IGF2BP2: variants seen among roughly 807,000 people sequenced by gnomAD.
IGF2BP2 encodes insulin-like growth factor 2 mRNA-binding protein 2.
Under a neutral mutation model 75.8 loss-of-function variants are expected in IGF2BP2, and 17 were observed. The ratio of observed to expected loss-of-function variants is 0.22; its 90% CI spans 0.15 to 0.34. The LOEUF (loss-of-function observed/expected upper bound fraction) is 0.34, where lower values mean the gene tolerates loss of function less well. IGF2BP2 is among the 10% of genes least tolerant of loss of function. The pLI, the probability that IGF2BP2 is intolerant of heterozygous loss-of-function variation, is 1.00. For missense variants in IGF2BP2, 516 were observed against 772.4 expected, an observed-to-expected ratio of 0.67 and a Z score of 3.93; for synonymous variants, 288 against 295.6, an observed-to-expected ratio of 0.97 and a Z score of 0.26.
intron 2 of IGF2BP2, among the ~76,000 whole-genome samples, chr3:185,748,791 T>G (rs1730589918): frequency 6.6e-6 from 1 of 152,216 alleles, no homozygotes; most frequent in Admixed American, 6.5e-5. Context: ...ATTGATAACC[T>G]CAGAAATTCT....
At chr3:185,708,450 T>C (rs1724354633) in intron 2 of IGF2BP2, among the ~76,000 whole-genome samples, 3 of 152,144 alleles carry the variant, frequency 2.0e-5, no homozygotes, top group Non-Finnish European at 4.4e-5. Context: ...GAAACTTCAC[T>C]GTGATAGCTC....
intron 2 of IGF2BP2, among the ~76,000 whole-genome samples, chr3:185,813,425 G>A (rs1740173330): frequency 6.6e-6 from 1 of 152,108 alleles, no homozygotes; most frequent in Admixed American, 6.5e-5. Context: ...ACAAGGCTTA[G>A]TTTACAAATT....
At chr3:185,741,588 C>A (rs1362564144) in intron 2 of IGF2BP2, among the ~76,000 whole-genome samples, 1 of 152,150 alleles carries the variant, frequency 6.6e-6, no homozygotes, top group Non-Finnish European at 1.5e-5. Context: ...GAGAAAAATT[C>A]CAGGTCCCAT....
chr3:185,687,004 A>G (rs1424839962), intron 7 of IGF2BP2, 53 bp downstream of exon 7: 5 of 1,583,930 alleles, frequency 3.2e-6, no homozygotes, highest in African/African-American at 2.7e-5. Context: ...TAAATGAGGG[A>G]GAATCTACTC....
At chr3:185,685,135 G>A (rs1198767703) in intron 7 of IGF2BP2, among the ~76,000 whole-genome samples, 1 of 152,104 alleles carries the variant, frequency 6.6e-6, no homozygotes, top group Non-Finnish European at 1.5e-5. Flanking sequence ...ATCACCTGAG[G>A]TCAGGAGTTC....
intron 2 of IGF2BP2, among the ~76,000 whole-genome samples, chr3:185,783,065 T>C (rs1040460148): frequency 3.9e-5 from 6 of 152,182 alleles, no homozygotes; most frequent in Non-Finnish European, 8.8e-5. Flanking sequence ...TAAAGTGTCA[T>C]GGTGAAGCTA....
At chr3:185,722,320 A>G (rs1726695774) in intron 2 of IGF2BP2, 4 of 450,094 alleles carry the variant, frequency 8.9e-6, no homozygotes, top group South Asian at 4.8e-5. Flanking sequence ...GCAGAGAGAT[A>G]TAAGATGAGA....
intron 2 of IGF2BP2, among the ~76,000 whole-genome samples, chr3:185,722,762 T>C (rs1171574666): frequency 6.6e-6 from 1 of 152,208 alleles, no homozygotes; most frequent in Non-Finnish European, 1.5e-5. Context: ...GATGCTATGT[T>C]TTTATATAGT....
intron 12 of IGF2BP2, among the ~76,000 whole-genome samples, chr3:185,654,292 C>T (rs2149077269): frequency 6.6e-6 from 1 of 152,316 alleles, no homozygotes; most frequent in Middle Eastern, 3.4e-3. Context: ...GGGTCTGACA[C>T]CCTCTGGCAG....
chr3:185,694,160 T>G (rs146323569), intron 4 of IGF2BP2, among the ~76,000 whole-genome samples: 1 of 152,200 alleles, frequency 6.6e-6, no homozygotes, highest in East Asian at 1.9e-4. Context: ...GGAGTGTTCA[T>G]AGCACGCTTT....
intron 2 of IGF2BP2, among the ~76,000 whole-genome samples, chr3:185,707,295 C>CTT (rs1159568857): frequency 0.037 from 1,485 of 39,922 alleles, 465 homozygotes; most frequent in African/African-American, 0.074. Context: ...AACGAAGGGG[C>CTT]TTTTTTTTTT....
chr3:185,825,000 T>G lies in IGF2BP2; in HGVS notation c.-40A>C. 1 of 1,427,502 alleles carries G rather than the reference T, an allele frequency of 7.0e-7. No homozygotes were observed. Among genetic ancestry groups the G allele is most frequent in the Admixed American group, 2.2e-5 (1 of 45,538 alleles). 88.4% of individuals were successfully genotyped at this position (1,427,502 alleles called of 1,614,324 possible). A position where few individuals can be genotyped will look rare whatever the true frequency, so the allele number is the denominator to read the frequency against. On this transcript the variant is annotated 5_prime_UTR_variant, in exon 1 of 16. Coordinates refer to ENST00000382199, the MANE Select transcript of IGF2BP2 (RefSeq NM_006548.6). ...AGAGCCCGCGGCTCCCCCGGCCCGG[T>G]ACCCGGCGCTCCTCGCCTCCTCCGC... is the stretch of plus-strand genomic sequence containing the variant.
chr3:185,788,710 C>CTTTTT (rs1158869748), intron 2 of IGF2BP2, among the ~76,000 whole-genome samples: 9 of 100,222 alleles, frequency 9.0e-5, no homozygotes, highest in Non-Finnish European at 1.3e-4. Flanking sequence ...TGACAAACGA[C>CTTTTT]TTTTTTTTTT....
chr3:185,648,560 C>T (rs377307688), intron 14 of IGF2BP2, among the ~76,000 whole-genome samples: 12 of 152,042 alleles, frequency 7.9e-5, no homozygotes, highest in South Asian at 2.1e-4. Context: ...CCCGCCTCCC[C>T]GCCAAGTTCC....
chr3:185,802,319 T>TGTTCTTGACTAACCAAGACAA (rs1422736181), intron 2 of IGF2BP2, among the ~76,000 whole-genome samples: 1 of 152,244 alleles, frequency 6.6e-6, no homozygotes, highest in African/African-American at 2.4e-5. Flanking sequence ...AACCAAGACA[T>TGTTCTTGACTAACCAAGACAA]GTTCTTGACT....
chr3:185,722,669 C>A (rs1726746825), intron 2 of IGF2BP2: 2 of 165,300 alleles, frequency 1.2e-5, no homozygotes, highest in African/African-American at 4.8e-5. Context: ...TGGGAAATGA[C>A]ACCTCAGCTG....
intron 2 of IGF2BP2, among the ~76,000 whole-genome samples, chr3:185,744,518 G>A (rs1729983542): frequency 6.6e-6 from 1 of 152,114 alleles, no homozygotes; most frequent in Non-Finnish European, 1.5e-5. Context: ...TATAAAATTG[G>A]AATTATCAGC....
chr3:185,666,594 A>G (rs1717671047), intron 10 of IGF2BP2, among the ~76,000 whole-genome samples: 1 of 152,134 alleles, frequency 6.6e-6, no homozygotes, highest in Non-Finnish European at 1.5e-5. Context: ...GTGCCACTGC[A>G]CTCCAGCCTG....
chr3:185,760,531 T>C lies in IGF2BP2; in HGVS notation c.240-62184A>G, dbSNP rs117584827. ...AACCCAAAAAGAAACTCTGTACCCA[T>C]GAGCAGTCTCTCCCTCACCAGCCTC... On this transcript the variant is annotated intron_variant, in intron 2 of 15. Transcript: ENST00000382199. Among the ~76,000 whole-genome samples the C allele has an allele frequency of 3.4e-4, 52 of 152,328 alleles. No individual in the cohort carries two copies. The East Asian group carries it at 8.9e-3, about 26-fold the overall frequency.
Sources: allele counts gnomAD v4.1 joint callset (sites outside exome capture counted in the v4.1 genomes callset), GRCh38; gene constraint gnomAD v4.1.1; transcripts MANE v1.5; gene names NCBI Gene and HGNC (gene_info 2026-07-23, HGNC 2026-07-21).